SNX18: variants seen among roughly 807,000 people sequenced by gnomAD.
SNX18 encodes the protein sorting nexin 18, also known as sorting nexin-18.
Under a neutral mutation model 48.7 loss-of-function variants are expected in SNX18, and 35 were observed. That is an observed-to-expected ratio of 0.72 (90% confidence interval 0.55 to 0.95). The LOEUF (loss-of-function observed/expected upper bound fraction) is 0.95, where lower values mean the gene tolerates loss of function less well. Among genes scored for constraint, SNX18 ranks in the 40% least tolerant of loss-of-function variants. The pLI, the probability that SNX18 is intolerant of heterozygous loss-of-function variation, is 0.00. For synonymous variants in SNX18, 492 were observed against 384.7 expected (o/e 1.28, Z -3.26); for missense variants, 824 against 871.0 (o/e 0.95, Z 0.68).
the SNX18 span, among the ~76,000 whole-genome samples, chr5:54,595,100 C>T: frequency 2.6e-5 from 4 of 152,116 alleles, no homozygotes; most frequent in Non-Finnish European, 2.9e-5. Flanking sequence ...GATTCCATGT[C>T]TTTGCTATTA....
At chr5:54,597,395 G>C in the SNX18 span, among the ~76,000 whole-genome samples, 1 of 152,008 alleles carries the variant, frequency 6.6e-6, no homozygotes, top group Non-Finnish European at 1.5e-5. Flanking sequence ...TGACCTGATA[G>C]ATATCTACAC....
the SNX18 span, among the ~76,000 whole-genome samples, chr5:54,555,805 C>T: frequency 4.9e-5 from 7 of 142,956 alleles, no homozygotes; most frequent in Admixed American, 7.2e-5. Flanking sequence ...CCAACCTGGG[C>T]GACAGAGTGA....
chr5:54,630,829 CAAAAA>C, the SNX18 span, among the ~76,000 whole-genome samples: 16 of 94,518 alleles, frequency 1.7e-4, no homozygotes, highest in Non-Finnish European at 2.3e-4. Flanking sequence ...AAGACTCAGT[CAAAAA>C]AAAAAAAAAA....
At chr5:54,583,286 T>C in the SNX18 span, among the ~76,000 whole-genome samples, 1 of 152,202 alleles carries the variant, frequency 6.6e-6, no homozygotes, top group Admixed American at 6.5e-5. Context: ...CTTGCTAGAC[T>C]TCTTATTTCC....
At chr5:54,526,327 T>G (rs1168213191) in intron 1 of SNX18, among the ~76,000 whole-genome samples, 1 of 152,100 alleles carries the variant, frequency 6.6e-6, no homozygotes, top group Non-Finnish European at 1.5e-5. Flanking sequence ...AGGCTGGTCT[T>G]GAACTCCTGA....
At chr5:54,583,816 C>A in the SNX18 span, among the ~76,000 whole-genome samples, 6 of 152,270 alleles carry the variant, frequency 3.9e-5, no homozygotes, top group South Asian at 1.2e-3. Flanking sequence ...AGCCTGGATA[C>A]CCAGAAGTGC....
At chr5:54,620,050 T>G in the SNX18 span, among the ~76,000 whole-genome samples, 4 of 152,190 alleles carry the variant, frequency 2.6e-5, no homozygotes, top group Non-Finnish European at 5.9e-5. Flanking sequence ...TCTGGCATAG[T>G]GAGTTTGGGG....
chr5:54,528,005 CTT>C (rs1350660893), intron 1 of SNX18, among the ~76,000 whole-genome samples: 1 of 151,928 alleles, frequency 6.6e-6, no homozygotes. Flanking sequence ...TATGAAATGA[CTT>C]TACATAATTC....
chr5:54,605,978 TA>T, the SNX18 span, among the ~76,000 whole-genome samples: 4 of 152,174 alleles, frequency 2.6e-5, no homozygotes, highest in African/African-American at 9.6e-5. Flanking sequence ...TTTGACACTT[TA>T]AAAAAATGTC....
chr5:54,518,768 C>T lies in SNX18; in HGVS notation c.816C>T (p.Asn272=). 4.4e-6 allele frequency: 7 copies of T among 1,605,530 alleles called. No individual in the cohort carries two copies. Among genetic ancestry groups the T allele is most frequent in the Non-Finnish European group, 6.0e-6 (7 of 1,175,488 alleles). ...LGPYGPEWQE[N]PYPFQCTIDD... Reference sequence around the variant, plus strand: ...CCTATGGCCCCGAGTGGCAGGAGAACCCCTACCCGTTCCAGTGCACCATCG... The same window carrying T: ...CCTATGGCCCCGAGTGGCAGGAGAATCCCTACCCGTTCCAGTGCACCATCG... Residue 272 remains asparagine (N), a synonymous_variant, in exon 1 of 2, where the codon AAC becomes AAT. Coordinates refer to ENST00000381410, the MANE Select transcript of SNX18 (RefSeq NM_001102575.2).
chr5:54,558,374 C>T, the SNX18 span, among the ~76,000 whole-genome samples: 10 of 152,292 alleles, frequency 6.6e-5, no homozygotes, highest in East Asian at 3.9e-4. Flanking sequence ...CCTTCCCTCC[C>T]TCTCTCCATT....
At chr5:54,605,507 T>A in the SNX18 span, among the ~76,000 whole-genome samples, 1 of 152,154 alleles carries the variant, frequency 6.6e-6, no homozygotes, top group Admixed American at 6.5e-5. Flanking sequence ...ATTACTGAAC[T>A]TTTTTACATA....
At chr5:54,632,599 T>C in the SNX18 span, among the ~76,000 whole-genome samples, 1 of 152,006 alleles carries the variant, frequency 6.6e-6, no homozygotes, top group African/African-American at 2.4e-5. Context: ...GCCAAACCAC[T>C]GAGAAGGGGG....
At chr5:54,569,930 C>T in the SNX18 span, among the ~76,000 whole-genome samples, 4 of 151,980 alleles carry the variant, frequency 2.6e-5, no homozygotes, top group Non-Finnish European at 5.9e-5. Context: ...TGTTTTAAAA[C>T]TCTGACAACC....
the SNX18 span, among the ~76,000 whole-genome samples, chr5:54,607,145 C>T: frequency 1.3e-5 from 2 of 152,150 alleles, no homozygotes; most frequent in South Asian, 2.1e-4. Context: ...CTGATGTTTG[C>T]TAGTAGCTTT....
At chr5:54,614,193 A>C in the SNX18 span, among the ~76,000 whole-genome samples, 2 of 152,220 alleles carry the variant, frequency 1.3e-5, no homozygotes, top group African/African-American at 4.8e-5. Flanking sequence ...TGGTTCTCAA[A>C]GACTTAGGGA....
chr5:54,603,250 A>G, the SNX18 span, among the ~76,000 whole-genome samples: 1 of 70,968 alleles, frequency 1.4e-5, no homozygotes, highest in Admixed American at 1.2e-4. Flanking sequence ...ATATATATAT[A>G]TTTTTTTAGA....
At chr5:54,578,455 T>C in the SNX18 span, among the ~76,000 whole-genome samples, 50,377 of 152,148 alleles carry the variant, frequency 0.33, 9,061 homozygotes, top group African/African-American at 0.47. Context: ...CCTTAGTGGC[T>C]CTGCCTCCAA....
At chr5:54,647,770 T>C in the SNX18 span, among the ~76,000 whole-genome samples, 5 of 152,080 alleles carry the variant, frequency 3.3e-5, no homozygotes, top group African/African-American at 7.2e-5. Flanking sequence ...ATCATTGCAA[T>C]AGACCAGAAA....
Sources: allele counts gnomAD v4.1 joint callset (sites outside exome capture counted in the v4.1 genomes callset), GRCh38; gene constraint gnomAD v4.1.1; transcripts MANE v1.5; gene names NCBI Gene and HGNC (gene_info 2026-07-23, HGNC 2026-07-21).